Variants in METTL25 observed in about 807,000 individuals in gnomAD.
The protein encoded by METTL25 is probable methyltransferase-like protein 25.
A neutral mutation model predicts 71.6 loss-of-function variants in METTL25; 64 were observed. That is an observed-to-expected ratio of 0.89 (90% CI 0.73 to 1.10). The LOEUF is 1.10. METTL25 is among the 50% of genes least tolerant of loss of function. The probability of loss-of-function intolerance (pLI) is 0.00; values close to 1 mark genes in which losing one functional copy is unlikely to be tolerated. For synonymous variants in METTL25, 287 were observed against 250.3 expected (o/e 1.15, Z -1.38); for missense variants, 807 against 707.0 (o/e 1.14, Z -1.60).
At chr12:82,406,873 A>G (rs1383483208) in intron 5 of METTL25, among the ~76,000 whole-genome samples, 1 of 152,154 alleles carries the variant, frequency 6.6e-6, no homozygotes, top group East Asian at 1.9e-4. Context: ...CAAGGAAGTA[A>G]GAAGTGTATT....
chr12:82,424,437 A>G (rs1888819091), intron 5 of METTL25, among the ~76,000 whole-genome samples: 1 of 152,094 alleles, frequency 6.6e-6, no homozygotes, highest in Non-Finnish European at 1.5e-5. Flanking sequence ...CCTAATGTAA[A>G]TGACGAGTTA....
chr12:82,449,964 A>G (rs993261719), intron 8 of METTL25, among the ~76,000 whole-genome samples: 5 of 152,146 alleles, frequency 3.3e-5, no homozygotes, highest in African/African-American at 1.2e-4. Context: ...GTTCTGGAAC[A>G]TGAATGACCC....
chr12:82,378,563 G>A (rs567488737), intron 1 of METTL25, among the ~76,000 whole-genome samples: 27 of 152,262 alleles, frequency 1.8e-4, no homozygotes, highest in Admixed American at 5.2e-4. Flanking sequence ...AAGAATAGAA[G>A]ATGAAATTGA....
At chr12:82,371,339 GA>G (rs1293803276) in intron 1 of METTL25, among the ~76,000 whole-genome samples, 2 of 152,220 alleles carry the variant, frequency 1.3e-5, no homozygotes, top group Admixed American at 1.3e-4. Flanking sequence ...CTGGCCCGGA[GA>G]ATCTTTGCCC....
intron 1 of METTL25, among the ~76,000 whole-genome samples, chr12:82,367,190 C>T (rs1882664664): frequency 6.6e-6 from 1 of 152,102 alleles, no homozygotes; most frequent in South Asian, 2.1e-4. Context: ...TTGCATTTTT[C>T]CTCATTCTAC....
intron 5 of METTL25, among the ~76,000 whole-genome samples, chr12:82,403,991 C>A (rs1232835514): frequency 6.6e-6 from 1 of 151,998 alleles, no homozygotes; most frequent in Non-Finnish European, 1.5e-5. Context: ...TTTTAAAACC[C>A]AGATTAATAT....
chr12:82,412,175 C>CA (rs58911237), intron 5 of METTL25, among the ~76,000 whole-genome samples: 9 of 151,702 alleles, frequency 5.9e-5, no homozygotes, highest in Non-Finnish European at 1.2e-4. Flanking sequence ...TTACATTTTA[C>CA]AAAAAAAATA....
intron 3 of METTL25, among the ~76,000 whole-genome samples, chr12:82,397,558 A>G (rs1228054752): frequency 1.3e-5 from 2 of 152,042 alleles, no homozygotes; most frequent in Non-Finnish European, 2.9e-5. Flanking sequence ...CTTCCATCAG[A>G]TAACATTTTT....
chr12:82,448,508 C>T lies in METTL25; in HGVS notation c.1479-8219C>T, dbSNP rs137896557. ...TCTTTTAAAACACTTGGAAAGAAAA[C>T]AGGGAAAATCCAATTTGTACACTTT... On this transcript the variant is annotated intron_variant, in intron 8 of 11. Coordinates refer to ENST00000248306, the MANE Select transcript of METTL25 (RefSeq NM_032230.3). 2.9e-3 allele frequency among the ~76,000 whole-genome samples: 447 copies of T among 151,976 alleles called. 4 individuals are homozygous for T. The highest frequency in any genetic ancestry group is 0.01 in the African/African-American group (422 of 41,516).
intron 9 of METTL25, among the ~76,000 whole-genome samples, chr12:82,467,404 T>C (rs1267703532): frequency 6.6e-6 from 1 of 152,118 alleles, no homozygotes; most frequent in Non-Finnish European, 1.5e-5. Context: ...ATGGTGATTG[T>C]TATTTTTTCA....
chr12:82,461,586 C>T (rs1050661431), intron 9 of METTL25, among the ~76,000 whole-genome samples: 2 of 151,800 alleles, frequency 1.3e-5, no homozygotes, highest in African/African-American at 4.8e-5. Context: ...TTTTCCAAAA[C>T]TAGCAATCAT....
chr12:82,383,321 T>A (rs1884626475), intron 1 of METTL25, among the ~76,000 whole-genome samples: 1 of 109,928 alleles, frequency 9.1e-6, no homozygotes, highest in Non-Finnish European at 1.9e-5. Flanking sequence ...ACAATGCTTT[T>A]CTTTACTGCT....
chr12:82,410,028 G>A (rs1019098560), intron 5 of METTL25, among the ~76,000 whole-genome samples: 5 of 152,014 alleles, frequency 3.3e-5, no homozygotes, highest in African/African-American at 7.2e-5. Flanking sequence ...CTTTACTGTT[G>A]TTGAGGTTTA....
chr12:82,451,651 C>G (rs554482220), intron 8 of METTL25, among the ~76,000 whole-genome samples: 2 of 152,022 alleles, frequency 1.3e-5, no homozygotes, highest in South Asian at 2.1e-4. Flanking sequence ...TTTGTGGAGC[C>G]CACTCTGAAA....
intron 3 of METTL25, among the ~76,000 whole-genome samples, chr12:82,390,921 T>C (rs1479817864): frequency 6.6e-6 from 1 of 152,040 alleles, no homozygotes; most frequent in African/African-American, 2.4e-5. Context: ...GCAGCCAACC[T>C]CTATTAAGAG....
chr12:82,474,936 G>A (rs758149233), intron 9 of METTL25, among the ~76,000 whole-genome samples: 27 of 152,134 alleles, frequency 1.8e-4, no homozygotes, highest in Non-Finnish European at 4.0e-4. Flanking sequence ...GATGCCAAGA[G>A]GAAATGCCCA....
At chr12:82,426,611 C>T (rs1407874655) in intron 5 of METTL25, among the ~76,000 whole-genome samples, 2 of 151,936 alleles carry the variant, frequency 1.3e-5, no homozygotes, top group African/African-American at 2.4e-5. Context: ...TAAGGGAGAC[C>T]GTAACCCTCC....
intron 8 of METTL25, chr12:82,451,442 G>A (rs1180209384): frequency 5.8e-6 from 1 of 171,614 alleles, no homozygotes; most frequent in Non-Finnish European, 1.2e-5. Context: ...TCTGTAAATT[G>A]GGGTTAATAG....
At chr12:82,435,615 T>A (rs1203179974) in intron 7 of METTL25, among the ~76,000 whole-genome samples, 1 of 151,354 alleles carries the variant, frequency 6.6e-6, no homozygotes, top group African/African-American at 2.4e-5. Flanking sequence ...TATCACTTAC[T>A]AGTTCATAAC....
Sources: gnomAD v4.1 joint callset for allele counts (sites outside exome capture counted in the v4.1 genomes callset) on GRCh38, gnomAD v4.1.1 for gene constraint, MANE v1.5 for transcripts, NCBI Gene and HGNC (gene_info 2026-07-23, HGNC 2026-07-21) for gene names.